Variants in ELFN2 observed in about 807,000 individuals in gnomAD.
ELFN2 encodes extracellular leucine rich repeat and fibronectin type III domain containing 2.
Under a neutral mutation model 45.5 loss-of-function variants are expected in ELFN2, and 17 were observed. That is an observed-to-expected ratio of 0.37 (90% CI 0.26 to 0.56). The LOEUF (loss-of-function observed/expected upper bound fraction) is 0.56, where lower values mean the gene tolerates loss of function less well. Among genes scored for constraint, ELFN2 ranks in the 20% least tolerant of loss-of-function variants. ELFN2 has a pLI of 0.77. For missense variants in ELFN2, 922 were observed against 1,183.2 expected, an observed-to-expected ratio of 0.78 and a Z score of 3.24; for synonymous variants, 550 against 551.5, an observed-to-expected ratio of 1.00 and a Z score of 0.04.
At chr22:37,411,980 A>G (rs947435868) in intron 2 of ELFN2, among the ~76,000 whole-genome samples, 18 of 151,970 alleles carry the variant, frequency 1.2e-4, no homozygotes, top group Admixed American at 3.3e-4. Context: ...TCTTCCAAAA[A>G]AAAAGTCTTC....
At position 37,374,326 on chromosome 22, in the gene ELFN2, G is replaced by A. The variant is rs1601745865; in HGVS notation, c.1209C>T (p.Gly403=). The A allele has an allele frequency of 6.2e-7, 1 of 1,613,894 alleles. No individual in the cohort carries two copies. Among genetic ancestry groups the A allele is most frequent in the African/African-American group, 1.3e-5 (1 of 75,066 alleles). ...GCACGATAACCATGCCAAAGAGGCA[G>A]CCCAGGATGGTCATGATGTAGTGGG... is the stretch of plus-strand genomic sequence containing the variant. The part of the protein sequence containing the change: ...TTTHYIMTIL[G]CLFGMVIVLG... Residue 403 remains glycine (G), a synonymous_variant, in exon 3 of 3, where the codon GGC becomes GGT. Coordinates refer to ENST00000402918, the MANE Select transcript of ELFN2 (RefSeq NM_052906.5).
At chr22:37,398,633 G>A (rs899503820) in intron 2 of ELFN2, among the ~76,000 whole-genome samples, 1 of 152,116 alleles carries the variant, frequency 6.6e-6, no homozygotes, top group Non-Finnish European at 1.5e-5. Flanking sequence ...CGCCTCCCCA[G>A]CTCCTCTGCT....
downstream of ELFN2, among the ~76,000 whole-genome samples, chr22:37,363,195 AT>A (rs369156146): frequency 1.3e-3 from 200 of 151,826 alleles, no homozygotes; most frequent in African/African-American, 4.6e-3. Flanking sequence ...CCTCTTGTGA[AT>A]TTTTTTTTCC....
rs182665313 is a variant in ELFN2 at position 37,347,382 on chromosome 22, G to A, written n.149-4679C>T. Among the ~76,000 whole-genome samples the A allele has an allele frequency of 7.4e-4, 113 of 152,172 alleles. 1 individual carries two copies. The highest frequency in any genetic ancestry group is 3.4e-3 in the Middle Eastern group (1 of 294). On this transcript the variant is annotated intron_variant and non_coding_transcript_variant, in intron 1 of 2. Coordinates refer to ENST00000452946, the Ensembl canonical transcript of ELFN2. ...ATTCATAGTCAGACATTACTGCCTC[G>A]CTCAAGAAGCTTCACAAGCTCCCGA...
intron 2 of ELFN2, among the ~76,000 whole-genome samples, chr22:37,392,750 A>G (rs1245957426): frequency 2.6e-5 from 4 of 152,128 alleles, no homozygotes; most frequent in Non-Finnish European, 5.9e-5. Flanking sequence ...TTGCCCCCAC[A>G]TATCTGTATA....
intron 2 of ELFN2, among the ~76,000 whole-genome samples, chr22:37,378,761 A>C (rs1931657457): frequency 6.6e-6 from 1 of 152,212 alleles, no homozygotes; most frequent in South Asian, 2.1e-4. Flanking sequence ...CCCGGTCCCC[A>C]TCCCGGGCTG....
At chr22:37,399,509 G>A (rs926733936) in intron 2 of ELFN2, among the ~76,000 whole-genome samples, 1 of 144,990 alleles carries the variant, frequency 6.9e-6, no homozygotes, top group African/African-American at 2.5e-5. Context: ...CACCGACCAC[G>A]GGGACCACCA....
At chr22:37,360,693 C>T (rs1477964522) in intron 1 of ELFN2, among the ~76,000 whole-genome samples, 1 of 152,202 alleles carries the variant, frequency 6.6e-6, no homozygotes, top group East Asian at 1.9e-4. Context: ...AGTCAGAAAG[C>T]TCCTTAGACC....
At position 37,416,710 on chromosome 22, in the gene ELFN2, C is replaced by G. The variant is rs114102585; in HGVS notation, c.-463+1059G>C. 3.2e-3 allele frequency among the ~76,000 whole-genome samples: 494 copies of G among 152,144 alleles called. 2 individuals are homozygous for G. Among genetic ancestry groups the G allele is most frequent in the African/African-American group, 0.011 (474 of 41,486 alleles). On this transcript the variant is annotated intron_variant, in intron 2 of 2. Coordinates refer to ENST00000402918, the MANE Select transcript of ELFN2 (RefSeq NM_052906.5). Reference sequence around the variant, plus strand: ...GCCCACTGTGCCTCACTCCCCAGCCCTCCACCACCAAGAACCCCCACTTCA... The same window carrying G: ...GCCCACTGTGCCTCACTCCCCAGCCGTCCACCACCAAGAACCCCCACTTCA...
intron 2 of ELFN2, among the ~76,000 whole-genome samples, chr22:37,389,554 G>A (rs939270970): frequency 6.6e-6 from 1 of 151,966 alleles, no homozygotes; most frequent in African/African-American, 2.4e-5. Context: ...CCACAACCCC[G>A]AGGTATAGCC....
At chr22:37,342,482 T>C (rs1930582417) in intron 2 of ELFN2, 2 of 151,374 alleles carry the variant, frequency 1.3e-5, no homozygotes, top group Non-Finnish European at 2.9e-5. Flanking sequence ...ATGGGAGGAG[T>C]GGGGTGCAGT....
rs368780357 is a variant in ELFN2, at chr22:37,373,543, G to A, written c.1992C>T (p.Ile664=). Residue 664 remains isoleucine (I), a synonymous_variant, in exon 3 of 3, where the codon ATC becomes ATT. Transcript: ENST00000402918. The part of the protein sequence containing the change: ...TGLAKGDSKY[I]EKGSPLNSPL... Reference sequence around the variant, plus strand: ...GGCTGTTGAGGGGGCTGCCCTTCTCGATGTACTTGGAGTCGCCCTTAGCCA... The same window carrying A: ...GGCTGTTGAGGGGGCTGCCCTTCTCAATGTACTTGGAGTCGCCCTTAGCCA... The A allele has an allele frequency of 5.8e-5, 92 of 1,590,104 alleles. No individual in the cohort carries two copies. The highest frequency in any genetic ancestry group is 7.3e-5 in the Non-Finnish European group (86 of 1,170,198).
At chr22:37,401,667 G>A (rs934583013) in intron 2 of ELFN2, among the ~76,000 whole-genome samples, 7 of 152,220 alleles carry the variant, frequency 4.6e-5, no homozygotes, top group Non-Finnish European at 7.3e-5. Flanking sequence ...GCGAGCCTGG[G>A]GGCCACCGCC....
intron 1 of ELFN2, among the ~76,000 whole-genome samples, chr22:37,347,506 A>G (rs1930725898): frequency 6.6e-6 from 1 of 152,152 alleles, no homozygotes; most frequent in Middle Eastern, 3.2e-3. Flanking sequence ...CTTCTGCCCC[A>G]GCAGCCCCTG....
In ELFN2 at chr22:37,423,180, G is replaced by A. The variant is rs972016575; in HGVS notation, c.-614+4118C>T. On this transcript the variant is annotated intron_variant, in intron 1 of 2. Coordinates refer to ENST00000402918, the MANE Select transcript of ELFN2 (RefSeq NM_052906.5). ...CTGCTGTTCGAGGCACTGTGGGAGG[G>A]CCAGGGAGCAAAGGGCTGCCTTTGG... 5.3e-5 allele frequency among the ~76,000 whole-genome samples: 8 copies of A among 152,286 alleles called. No homozygotes were observed. In the South Asian group the frequency reaches 1.7e-3, roughly 32 times the overall value.
chr22:37,354,201 C>G (rs1422288570), intron 1 of ELFN2: 1 of 152,230 alleles, frequency 6.6e-6, no homozygotes, highest in Non-Finnish European at 1.5e-5. Context: ...GAAGTCAGGA[C>G]AGCAGTTCCC....
At chr22:37,346,651 G>A (rs1015531733) in intron 1 of ELFN2, among the ~76,000 whole-genome samples, 4 of 152,202 alleles carry the variant, frequency 2.6e-5, no homozygotes, top group African/African-American at 9.7e-5. Context: ...GCCCTTGGCT[G>A]GAAGCTAGGG....
chr22:37,396,459 C>T (rs180981260), intron 2 of ELFN2, among the ~76,000 whole-genome samples: 1 of 152,312 alleles, frequency 6.6e-6, no homozygotes, highest in East Asian at 1.9e-4. Context: ...TGCTTGGGTG[C>T]CAGGATCCCC....
At chr22:37,388,150 T>C (rs1408427948) in intron 2 of ELFN2, among the ~76,000 whole-genome samples, 1 of 151,978 alleles carries the variant, frequency 6.6e-6, no homozygotes, top group Non-Finnish European at 1.5e-5. Flanking sequence ...AACATCAACC[T>C]GAGCATGGCA....
Sources: gnomAD v4.1 joint callset for allele counts (sites outside exome capture counted in the v4.1 genomes callset) on GRCh38, gnomAD v4.1.1 for gene constraint, MANE v1.5 for transcripts, NCBI Gene and HGNC (gene_info 2026-07-23, HGNC 2026-07-21) for gene names.